UBASH3B: variants seen among roughly 807,000 people sequenced by gnomAD.
UBASH3B encodes ubiquitin-associated and SH3 domain-containing protein B.
Under a neutral mutation model 83.4 loss-of-function variants are expected in UBASH3B, and 37 were observed. The ratio of observed to expected loss-of-function variants is 0.44; its 90% CI spans 0.34 to 0.58. The LOEUF is 0.58. Among genes scored for constraint, UBASH3B ranks in the 20% least tolerant of loss-of-function variants. UBASH3B has a pLI of 0.01. For missense variants in UBASH3B, 657 were observed against 827.2 expected (o/e 0.79, Z 2.52); for synonymous variants, 304 against 318.3 (o/e 0.96, Z 0.48).
At chr11:122,738,544 A>C (rs1860972163) in intron 1 of UBASH3B, among the ~76,000 whole-genome samples, 3 of 152,194 alleles carry the variant, frequency 2.0e-5, no homozygotes, top group Admixed American at 1.3e-4. Flanking sequence ...GGTCAAGTGC[A>C]ATGGTCAGGA....
chr11:122,776,152 A>G, intron 1 of UBASH3B, 67 bp from the exon 2 acceptor site: 2 of 1,472,286 alleles, frequency 1.4e-6, no homozygotes, highest in Non-Finnish European at 1.9e-6. Context: ...CTTCACACTC[A>G]GCTCTTGCCA....
At chr11:122,730,284 G>T (rs1358149290) in intron 1 of UBASH3B, among the ~76,000 whole-genome samples, 8 of 152,194 alleles carry the variant, frequency 5.3e-5, no homozygotes, top group South Asian at 4.1e-4. Flanking sequence ...ACATGACAGG[G>T]TGTGGGTGAC....
At chr11:122,717,013 C>T (rs1055206442) in intron 1 of UBASH3B, among the ~76,000 whole-genome samples, 2 of 152,112 alleles carry the variant, frequency 1.3e-5, no homozygotes, top group Non-Finnish European at 2.9e-5. Context: ...ATAGCACAGC[C>T]GAGGCCAAGG....
chr11:122,715,082 A>G (rs12363985), intron 1 of UBASH3B, among the ~76,000 whole-genome samples: 15,974 of 152,156 alleles, frequency 0.1, 1,068 homozygotes, highest in Non-Finnish European at 0.15. Context: ...CGTAGCTGGG[A>G]CTACAGGCGC....
In UBASH3B at chr11:122,746,298, G is replaced by A. The variant is rs536728917; in HGVS notation, c.162-29921G>A. On this transcript the variant is annotated intron_variant, in intron 1 of 13. Transcript: ENST00000284273. ...TCTATGGGTGACACAGAGCTCTTTCGGTAGGGAGGTTCCATGCCAAAAGGG... is the reference window on the plus strand; with the variant it reads ...TCTATGGGTGACACAGAGCTCTTTCAGTAGGGAGGTTCCATGCCAAAAGGG... Among the ~76,000 whole-genome samples the A allele has an allele frequency of 6.6e-5, 10 of 152,264 alleles. No individual in the cohort carries two copies. In the East Asian group the frequency reaches 1.4e-3, roughly 21 times the overall value.
Position 122,655,981 on chromosome 11 carries a change from C to T in UBASH3B, c.-69C>T. 7.2e-7 allele frequency: 1 copy of T among 1,391,230 alleles called. No homozygotes were observed. The highest frequency in any genetic ancestry group is 1.6e-5 in the South Asian group (1 of 64,398). The allele number at this position is 1,391,230 out of a possible 1,614,324, so 86.2% of individuals were successfully genotyped here. On this transcript the variant is annotated 5_prime_UTR_variant, in exon 1 of 14. Transcript: ENST00000284273. ...CCCGAGCCCCCTCCCCTGGCCCAGCCCGACTCCCTCCTCCTTCCCGAACCA... is the reference window on the plus strand; with the variant it reads ...CCCGAGCCCCCTCCCCTGGCCCAGCTCGACTCCCTCCTCCTTCCCGAACCA...
chr11:122,690,208 A>ATATC (rs1565530326), intron 1 of UBASH3B, among the ~76,000 whole-genome samples: 3 of 27,222 alleles, frequency 1.1e-4, no homozygotes, highest in Admixed American at 6.5e-4. Flanking sequence ...ATATATATAT[A>ATATC]TCCAATTATA....
intron 1 of UBASH3B, among the ~76,000 whole-genome samples, chr11:122,675,175 G>A (rs1357556922): frequency 1.3e-5 from 2 of 152,186 alleles, no homozygotes; most frequent in South Asian, 2.1e-4. Context: ...ATGGTGCCTC[G>A]GTTTCTGCTT....
intron 1 of UBASH3B, among the ~76,000 whole-genome samples, chr11:122,686,195 A>C (rs7107079): frequency 0.011 from 1,672 of 152,302 alleles, 27 homozygotes; most frequent in African/African-American, 0.036. Context: ...ATTATTTGGG[A>C]CTGCTTAAGT....
At chr11:122,717,301 C>G (rs1183792135) in intron 1 of UBASH3B, among the ~76,000 whole-genome samples, 3 of 152,318 alleles carry the variant, frequency 2.0e-5, no homozygotes, top group South Asian at 4.1e-4. Flanking sequence ...CTGGACTAAC[C>G]GATAGCGGAA....
chr11:122,783,311 C>T (rs918501046), intron 5 of UBASH3B, 89 bp downstream of exon 5: 8 of 1,468,722 alleles, frequency 5.4e-6, no homozygotes, highest in Admixed American at 2.0e-5. Context: ...TGGGTACCTA[C>T]AGGGGAAAAA....
In UBASH3B at chr11:122,759,190, AG is replaced by A. The variant is rs1861330206; in HGVS notation, c.162-17028del. Among the ~76,000 whole-genome samples, 1 of 152,200 alleles carries A rather than the reference AG, an allele frequency of 6.6e-6. No individual in the cohort carries two copies. Among genetic ancestry groups the A allele is most frequent in the Non-Finnish European group, 1.5e-5 (1 of 68,024 alleles). On this transcript the variant is annotated intron_variant, in intron 1 of 13. Coordinates refer to ENST00000284273, the MANE Select transcript of UBASH3B (RefSeq NM_032873.5). This position sits in a 1 kb window ranked among gnomAD's most constrained non-coding sequence, Gnocchi z 4.1. Reference sequence around the variant, plus strand: ...TTTTGGTTATATGACTGAGGGCCCCAGCTTTTTGTTGGATGTTGGCTACAAG... The same window carrying A: ...TTTTGGTTATATGACTGAGGGCCCCACTTTTTGTTGGATGTTGGCTACAAG...
chr11:122,798,332 A>G (rs1055970685), intron 9 of UBASH3B, among the ~76,000 whole-genome samples: 1 of 152,172 alleles, frequency 6.6e-6, no homozygotes, highest in African/African-American at 2.4e-5. Context: ...CTCTTTCACA[A>G]ACTTGAAGCC....
In UBASH3B at chr11:122,782,867, T is replaced by C. The variant is rs1415309936; in HGVS notation, c.602-186T>C. On this transcript the variant is annotated intron_variant, in intron 4 of 13. Coordinates refer to ENST00000284273, the MANE Select transcript of UBASH3B (RefSeq NM_032873.5). Reference sequence around the variant, plus strand: ...GGCTATCTCTTGAACAGTGGCTTGATTCGGAATCTCTTGCCATCCCCTTAC... The same window carrying C: ...GGCTATCTCTTGAACAGTGGCTTGACTCGGAATCTCTTGCCATCCCCTTAC... 3 of 675,668 alleles carry C rather than the reference T, an allele frequency of 4.4e-6. No homozygotes were observed. The East Asian group carries it at 8.2e-5, about 19-fold the overall frequency. The allele number at this position is 675,668 out of a possible 1,614,324, so 41.9% of individuals were successfully genotyped here.
chr11:122,808,103 T>C lies in UBASH3B; in HGVS notation c.1739T>C (p.Leu580Pro), dbSNP rs765611608. ...CTGATTGTGGCCCACGCATCTTCCC[T>C]TGAAGCGTGTACCTGCCAACTTCAG... ...NILIVAHASS[L>P]EACTCQLQGL... Residue 580 changes from leucine (L) to proline (P), a missense_variant, in exon 13 of 14, where the codon CTT becomes CCT. By Grantham distance (98) the Leu-to-Pro change is moderately conservative. Coordinates refer to ENST00000284273, the MANE Select transcript of UBASH3B (RefSeq NM_032873.5). 5 of 1,614,168 alleles carry C rather than the reference T, an allele frequency of 3.1e-6. No homozygotes were observed. Among genetic ancestry groups the C allele is most frequent in the Non-Finnish European group, 3.4e-6 (4 of 1,179,998 alleles).
intron 1 of UBASH3B, among the ~76,000 whole-genome samples, chr11:122,691,378 G>T (rs1434568826): frequency 1.3e-5 from 2 of 152,226 alleles, no homozygotes; most frequent in Non-Finnish European, 2.9e-5. Flanking sequence ...CTGCAGCCAA[G>T]CAGCATTTCT....
intron 1 of UBASH3B, among the ~76,000 whole-genome samples, chr11:122,775,293 G>T (rs756363619): frequency 3.0e-4 from 45 of 152,342 alleles, no homozygotes; most frequent in Non-Finnish European, 2.9e-4. Context: ...AGCTCCACTT[G>T]TAAGTTTGTA....
intron 1 of UBASH3B, among the ~76,000 whole-genome samples, chr11:122,665,770 AAAAC>A: frequency 6.6e-6 from 1 of 152,350 alleles, no homozygotes; most frequent in Non-Finnish European, 1.5e-5. Flanking sequence ...GTACAAAACA[AAAAC>A]AAACAATTTG....
At chr11:122,732,542 C>T (rs1034595520) in intron 1 of UBASH3B, among the ~76,000 whole-genome samples, 11 of 152,188 alleles carry the variant, frequency 7.2e-5, no homozygotes, top group Admixed American at 2.0e-4. Context: ...TGGACTTCAT[C>T]TTGCCTTAAG....
Sources: gnomAD v4.1 joint callset for allele counts (sites outside exome capture counted in the v4.1 genomes callset) on GRCh38, gnomAD v4.1.1 for gene constraint, Gnocchi (gnomAD v3.1) non-coding constraint, MANE v1.5 for transcripts, NCBI Gene and HGNC (gene_info 2026-07-23, HGNC 2026-07-21) for gene names.